Variants in MTUS2 observed in about 807,000 individuals in gnomAD.
The protein encoded by MTUS2 is microtubule-associated tumor suppressor candidate 2.
MTUS2 carries 40 observed loss-of-function variants against 114.1 expected under a neutral mutation model. That is an observed-to-expected ratio of 0.35 (90% CI 0.27 to 0.46). The LOEUF (loss-of-function observed/expected upper bound fraction) is 0.46, where lower values mean the gene tolerates loss of function less well. MTUS2 is among the 20% of genes least tolerant of loss of function. The probability of loss-of-function intolerance (pLI) is 1.00; values close to 1 mark genes in which losing one functional copy is unlikely to be tolerated. For synonymous variants in MTUS2, 688 were observed against 672.0 expected, an observed-to-expected ratio of 1.02 and a Z score of -0.37; for missense variants, 1,679 against 1,705.4, an observed-to-expected ratio of 0.98 and a Z score of 0.27.
At chr13:29,258,852 A>G (rs1897367212) in intron 5 of MTUS2, among the ~76,000 whole-genome samples, 2 of 152,184 alleles carry the variant, frequency 1.3e-5, no homozygotes, top group East Asian at 1.9e-4. Context: ...AGGAAGGTTC[A>G]GGTTATCACC....
chr13:28,863,869 T>C (rs1877139599), intron 2 of MTUS2, among the ~76,000 whole-genome samples: 1 of 152,230 alleles, frequency 6.6e-6, no homozygotes, highest in Middle Eastern at 3.4e-3. Flanking sequence ...GGCTAATTTT[T>C]ATTTTTTATA....
chr13:29,359,716 C>T (rs918449731), intron 8 of MTUS2, among the ~76,000 whole-genome samples: 17 of 151,826 alleles, frequency 1.1e-4, no homozygotes, highest in Middle Eastern at 3.2e-3. Context: ...TTCCAAAATA[C>T]GAAATTATGT....
chr13:28,894,419 A>G (rs189881933), intron 2 of MTUS2, among the ~76,000 whole-genome samples: 208 of 151,470 alleles, frequency 1.4e-3, no homozygotes, highest in African/African-American at 4.3e-3. Context: ...CAAGAGGTTG[A>G]CCATCTGCAA....
At chr13:29,013,418 C>T (rs1885933958) in intron 2 of MTUS2, among the ~76,000 whole-genome samples, 1 of 152,188 alleles carries the variant, frequency 6.6e-6, no homozygotes, top group Non-Finnish European at 1.5e-5. Flanking sequence ...TGCCTTCCTT[C>T]ACCAGAACAG....
At chr13:29,502,164 A>C (rs1221973738) in intron 15 of MTUS2, among the ~76,000 whole-genome samples, 1 of 152,232 alleles carries the variant, frequency 6.6e-6, no homozygotes, top group East Asian at 1.9e-4. Context: ...TTTGCTCCGG[A>C]AGCTGCAAAG....
chr13:29,424,190 C>G (rs1394471971), intron 8 of MTUS2, among the ~76,000 whole-genome samples: 1 of 151,992 alleles, frequency 6.6e-6, no homozygotes, highest in African/African-American at 2.4e-5. Context: ...TTGTATATTT[C>G]AAAATAGCTA....
At chr13:28,906,526 C>T (rs1880026736) in intron 2 of MTUS2, among the ~76,000 whole-genome samples, 1 of 151,572 alleles carries the variant, frequency 6.6e-6, no homozygotes, top group African/African-American at 2.4e-5. Context: ...AGTAGTCATT[C>T]AGGAGCTGGT....
intron 8 of MTUS2, among the ~76,000 whole-genome samples, chr13:29,377,014 G>C (rs3125703): frequency 0.61 from 92,529 of 151,884 alleles, 29,098 homozygotes; most frequent in East Asian, 0.75. Flanking sequence ...AAGTATCATA[G>C]AAGAAGAAGA....
chr13:28,927,617 A>G lies in MTUS2; in HGVS notation c.-243+87767A>G, dbSNP rs574347493. Among the ~76,000 whole-genome samples, 39 of 152,312 alleles carry G rather than the reference A, an allele frequency of 2.6e-4. No homozygotes were observed. The South Asian group carries it at 7.9e-3, about 31-fold the overall frequency. On this transcript the variant is annotated intron_variant, in intron 2 of 15. Coordinates refer to ENST00000612955, the MANE Select transcript of MTUS2 (RefSeq NM_001033602.4). ...CCTGCTTTTAAGTTCTCTACAATGG[A>G]AGAGATAGACAGCCAAGCAATAATC...
At chr13:29,198,782 C>T (rs1407900440) in intron 5 of MTUS2, among the ~76,000 whole-genome samples, 2 of 152,146 alleles carry the variant, frequency 1.3e-5, no homozygotes, top group Non-Finnish European at 2.9e-5. Context: ...AAGTTCTTCA[C>T]ATCCCTTGTA....
At chr13:29,351,448 A>C (rs983220301) in intron 7 of MTUS2, among the ~76,000 whole-genome samples, 9 of 152,154 alleles carry the variant, frequency 5.9e-5, no homozygotes, top group Admixed American at 5.9e-4. Context: ...CATGTTTCTG[A>C]CACATCTTTC....
intron 4 of MTUS2, among the ~76,000 whole-genome samples, chr13:29,053,785 A>G (rs1263975543): frequency 2.0e-5 from 3 of 152,136 alleles, no homozygotes; most frequent in Non-Finnish European, 4.4e-5. Flanking sequence ...ATGGATGTAC[A>G]TACCACAATT....
chr13:29,503,697 T>G lies in MTUS2; in HGVS notation c.*491T>G. On this transcript the variant is annotated 3_prime_UTR_variant, in exon 16 of 16. Coordinates refer to ENST00000612955, the MANE Select transcript of MTUS2 (RefSeq NM_001033602.4). ...GAATTATTGGGAAATGAAAATGCAT[T>G]TCTATCTAGCTTCCCAGGAATATTT... 4.3e-6 allele frequency: 1 copy of G among 234,336 alleles called. No homozygotes were observed. The highest frequency in any genetic ancestry group is 8.4e-6 in the Non-Finnish European group (1 of 118,630). The allele number at this position is 234,336 out of a possible 1,614,324, so 14.5% of individuals were successfully genotyped here. A position where few individuals can be genotyped will look rare whatever the true frequency, so the allele number is the denominator to read the frequency against.
chr13:28,992,206 A>C (rs940335851), intron 2 of MTUS2, among the ~76,000 whole-genome samples: 7 of 152,368 alleles, frequency 4.6e-5, no homozygotes, highest in Middle Eastern at 3.4e-3. Context: ...GTGTCTTAGC[A>C]GCAACTCCTC....
At chr13:29,421,263 G>A (rs1045681082) in intron 8 of MTUS2, among the ~76,000 whole-genome samples, 6 of 152,080 alleles carry the variant, frequency 3.9e-5, no homozygotes, top group African/African-American at 1.5e-4. Flanking sequence ...TCCTGGCCCT[G>A]GCAGTCCCCT....
At chr13:28,846,709 C>G (rs2138011315) in intron 2 of MTUS2, among the ~76,000 whole-genome samples, 1 of 152,324 alleles carries the variant, frequency 6.6e-6, no homozygotes, top group African/African-American at 2.4e-5. Flanking sequence ...AAAATGCCCT[C>G]TTAAAGAAAC....
chr13:28,927,555 G>A (rs1566229174), intron 2 of MTUS2, among the ~76,000 whole-genome samples: 1 of 152,272 alleles, frequency 6.6e-6, no homozygotes, highest in Middle Eastern at 3.4e-3. Flanking sequence ...GACAAAATGA[G>A]ACCTTGTCTC....
chr13:29,178,263 C>T (rs1032220647), intron 5 of MTUS2, among the ~76,000 whole-genome samples: 3 of 152,038 alleles, frequency 2.0e-5, no homozygotes, highest in Non-Finnish European at 4.4e-5. Context: ...TCAAATTTGT[C>T]GAATTTTGTT....
intron 4 of MTUS2, among the ~76,000 whole-genome samples, chr13:29,079,349 T>C (rs570356567): frequency 6.6e-6 from 1 of 152,346 alleles, no homozygotes; most frequent in East Asian, 1.9e-4. Flanking sequence ...AAATATTTTA[T>C]CCCATTCTTA....
Sources: gnomAD v4.1 joint callset for allele counts (sites outside exome capture counted in the v4.1 genomes callset) on GRCh38, gnomAD v4.1.1 for gene constraint, MANE v1.5 for transcripts, NCBI Gene and HGNC (gene_info 2026-07-23, HGNC 2026-07-21) for gene names.